The following CHST9 variants were observed in gnomAD, a reference collection of about 807,000 sequenced individuals.
The protein encoded by CHST9 is GalNAc-4-sulfotransferase 2.
In CHST9, 41 loss-of-function variants were observed where a neutral mutation model predicts 44.4. The observed-to-expected ratio is 0.92, with a 90% CI of 0.72 to 1.20. The LOEUF is 1.20. Among genes scored for constraint, CHST9 ranks in the 50% most tolerant of loss-of-function variants. The probability of loss-of-function intolerance (pLI) is 0.00; values close to 1 mark genes in which losing one functional copy is unlikely to be tolerated. For missense variants in CHST9, 504 were observed against 516.5 expected (o/e 0.98, Z 0.23); for synonymous variants, 171 against 178.4 (o/e 0.96, Z 0.33).
chr18:26,940,656 A>AT (rs1330941759), intron 5 of CHST9, among the ~76,000 whole-genome samples: 2 of 152,082 alleles, frequency 1.3e-5, no homozygotes, highest in Non-Finnish European at 2.9e-5. Flanking sequence ...TCAACAGGAG[A>AT]TCCCATCAGA....
At chr18:26,940,442 CT>C (rs1237792344) in intron 5 of CHST9, among the ~76,000 whole-genome samples, 16 of 152,200 alleles carry the variant, frequency 1.1e-4, no homozygotes, top group African/African-American at 3.9e-4. Context: ...GTTAAAATCA[CT>C]GTTAACAATA....
intron 4 of CHST9, among the ~76,000 whole-genome samples, chr18:26,987,308 T>C (rs1385947970): frequency 6.6e-6 from 1 of 152,210 alleles, no homozygotes; most frequent in Non-Finnish European, 1.5e-5. Context: ...TCTGCCATGC[T>C]TTGCAGCACA....
At chr18:27,028,709 G>T (rs1479740091) in intron 3 of CHST9, among the ~76,000 whole-genome samples, 3 of 151,958 alleles carry the variant, frequency 2.0e-5, no homozygotes, top group Non-Finnish European at 4.4e-5. Context: ...CACCAGGCCC[G>T]GCTACTTTTT....
At chr18:27,066,282 G>A (rs924953011) in intron 2 of CHST9, among the ~76,000 whole-genome samples, 8 of 152,206 alleles carry the variant, frequency 5.3e-5, no homozygotes, top group African/African-American at 1.9e-4. Context: ...GTGTAGTAAA[G>A]TGACCTTGGC....
intron 4 of CHST9, among the ~76,000 whole-genome samples, chr18:26,975,717 G>GTATA (rs1568117311): frequency 1.1e-5 from 1 of 86,972 alleles, no homozygotes; most frequent in African/African-American, 4.1e-5. Flanking sequence ...ATATGTGTGT[G>GTATA]TGTGTGTGTA....
chr18:27,086,075 C>T (rs1229825362), intron 2 of CHST9, among the ~76,000 whole-genome samples: 2 of 152,094 alleles, frequency 1.3e-5, no homozygotes, highest in African/African-American at 2.4e-5. Context: ...ACTGAGTACA[C>T]ATAGACACAA....
intron 2 of CHST9, among the ~76,000 whole-genome samples, chr18:27,107,883 C>T (rs572005575): frequency 1.7e-4 from 26 of 152,250 alleles, no homozygotes; most frequent in Non-Finnish European, 3.1e-4. Flanking sequence ...AACAATGAAG[C>T]GGATCTTGCA....
At chr18:26,969,502 T>A (rs889017914) in intron 4 of CHST9, among the ~76,000 whole-genome samples, 23 of 152,036 alleles carry the variant, frequency 1.5e-4, no homozygotes, top group African/African-American at 4.6e-4. Context: ...CAGATAAAGA[T>A]GAGTTTATTC....
chr18:27,155,830 C>T (rs182978420), intron 1 of CHST9, among the ~76,000 whole-genome samples: 1 of 151,904 alleles, frequency 6.6e-6, no homozygotes, highest in Admixed American at 6.6e-5. Context: ...ATTAAATGGA[C>T]AAATAGTGTT....
chr18:27,138,219 C>T lies in CHST9; in HGVS notation c.121+4470G>A, dbSNP rs183845306. ...CCCTTACAATTCATTTGACTGCACT[C>T]TCCTTGAGAAAAAGGATTATATCTG... On this transcript the variant is annotated intron_variant, in intron 2 of 5. Transcript: ENST00000618847. Among the ~76,000 whole-genome samples, 13 of 152,306 alleles carry T rather than the reference C, an allele frequency of 8.5e-5. No homozygotes were observed. The East Asian group carries it at 2.5e-3, about 29-fold the overall frequency.
At chr18:27,134,296 T>C (rs2058496236) in intron 2 of CHST9, among the ~76,000 whole-genome samples, 1 of 152,020 alleles carries the variant, frequency 6.6e-6, no homozygotes, top group Non-Finnish European at 1.5e-5. Flanking sequence ...AAAAGCAAGA[T>C]GAAGTCTCCT....
At position 27,117,472 on chromosome 18, in the gene CHST9, C is replaced by G. The variant is rs138822546; in HGVS notation, c.121+25217G>C. 2.9e-3 allele frequency among the ~76,000 whole-genome samples: 444 copies of G among 152,272 alleles called. 3 individuals are homozygous for G. The highest frequency in any genetic ancestry group is 0.01 in the African/African-American group (417 of 41,548). On this transcript the variant is annotated intron_variant, in intron 2 of 5. Coordinates refer to ENST00000618847, the MANE Select transcript of CHST9 (RefSeq NM_031422.6). ...TTCTATAGGGTTAATAAATGTATAA[C>G]AACATATATCTATCATTATAGTATC...
At chr18:27,079,547 C>T (rs990155004) in intron 2 of CHST9, among the ~76,000 whole-genome samples, 1 of 152,062 alleles carries the variant, frequency 6.6e-6, no homozygotes, top group Non-Finnish European at 1.5e-5. Context: ...AAATTTATAT[C>T]TGCCATCCTA....
At chr18:27,184,958 TAGGGG>T (rs2058944138) in intron 1 of CHST9, among the ~76,000 whole-genome samples, 173 bp downstream of exon 1, 6 of 151,186 alleles carry the variant, frequency 4.0e-5, no homozygotes, top group Admixed American at 3.9e-4. Context: ...ATACTGGAGG[TAGGGG>T]AGATAGAAAA....
chr18:26,994,596 G>A (rs1266299364), intron 4 of CHST9, among the ~76,000 whole-genome samples: 4 of 151,740 alleles, frequency 2.6e-5, no homozygotes, highest in African/African-American at 9.7e-5. Context: ...CTTTTTTTGC[G>A]GGGCTGGGGG....
chr18:26,969,666 A>G (rs2056516495), intron 4 of CHST9, among the ~76,000 whole-genome samples: 1 of 152,200 alleles, frequency 6.6e-6, no homozygotes, highest in South Asian at 2.1e-4. Context: ...AAGCAAATGT[A>G]TACGGTCTTA....
intron 1 of CHST9, among the ~76,000 whole-genome samples, chr18:27,145,473 T>G (rs958509357): frequency 6.6e-6 from 1 of 152,214 alleles, no homozygotes; most frequent in Non-Finnish European, 1.5e-5. Flanking sequence ...CGTGAGCCAC[T>G]GCCCCTGGCC....
intron 2 of CHST9, among the ~76,000 whole-genome samples, chr18:27,055,909 G>A (rs2057648963): frequency 6.7e-6 from 1 of 150,324 alleles, no homozygotes; most frequent in African/African-American, 2.4e-5. Flanking sequence ...CATTACATGT[G>A]CTTTTTCTTC....
intron 4 of CHST9, among the ~76,000 whole-genome samples, chr18:26,984,376 T>G (rs186838049): frequency 6.6e-6 from 1 of 152,160 alleles, no homozygotes; most frequent in Non-Finnish European, 1.5e-5. Flanking sequence ...TTTGGATAGA[T>G]TGTAGAAGTA....
Sources: allele counts gnomAD v4.1 joint callset (sites outside exome capture counted in the v4.1 genomes callset), GRCh38; gene constraint gnomAD v4.1.1; transcripts MANE v1.5; gene names NCBI Gene and HGNC (gene_info 2026-07-23, HGNC 2026-07-21).